TNIK: variants seen among roughly 807,000 people sequenced by gnomAD.
TNIK encodes the protein TRAF2 and NCK-interacting protein kinase.
In TNIK, 49 loss-of-function variants were observed where a neutral mutation model predicts 191.3. That is an observed-to-expected ratio of 0.26 (90% confidence interval 0.20 to 0.32). The LOEUF (loss-of-function observed/expected upper bound fraction) is 0.32. Among genes scored for constraint, TNIK ranks in the 10% least tolerant of loss-of-function variants. The probability of loss-of-function intolerance (pLI) is 1.00; values close to 1 mark genes in which losing one functional copy is unlikely to be tolerated. For missense variants in TNIK, 1,155 were observed against 1,702.3 expected (o/e 0.68, Z 5.66); for synonymous variants, 594 against 600.9 (o/e 0.99, Z 0.17).
At chr3:171,347,018 T>C in intron 2 of TNIK, 1 of 940,408 alleles carries the variant, frequency 1.1e-6, no homozygotes, top group Non-Finnish European at 1.5e-6. Context: ...GGGACAGTCC[T>C]GCAGGCGTTC....
chr3:171,239,276 G>A (rs1744670507), intron 2 of TNIK, among the ~76,000 whole-genome samples: 1 of 152,182 alleles, frequency 6.6e-6, no homozygotes, highest in African/African-American at 2.4e-5. Flanking sequence ...AAATGTAACA[G>A]TCAATGACAA....
chr3:171,140,978 T>C (rs887145123), intron 12 of TNIK, among the ~76,000 whole-genome samples: 1 of 152,242 alleles, frequency 6.6e-6, no homozygotes, highest in Non-Finnish European at 1.5e-5. Context: ...ACAGAATTGA[T>C]GGCAGAGGGT....
rs895646709 is a variant in TNIK at position 171,107,933 on chromosome 3, G to C, written c.2382+132C>G. The C allele has an allele frequency of 3.0e-5, 25 of 824,530 alleles. No homozygotes were observed. The African/African-American group carries it at 4.0e-4, about 13-fold the overall frequency. The allele number at this position is 824,530 out of a possible 1,614,324, so 51.1% of individuals were successfully genotyped here. A position where few individuals can be genotyped will look rare whatever the true frequency, so the allele number is the denominator to read the frequency against. ...CCTAATCAGGTATGACTTTCTTCGGGATGTTTCTAGCATCCGTTCTTACTA... is the reference window on the plus strand; with the variant it reads ...CCTAATCAGGTATGACTTTCTTCGGCATGTTTCTAGCATCCGTTCTTACTA... On this transcript the variant is annotated intron_variant, in intron 20 of 32. Coordinates refer to ENST00000436636, the MANE Select transcript of TNIK (RefSeq NM_015028.4).
At chr3:171,358,649 A>G (rs1384795402) in intron 2 of TNIK, among the ~76,000 whole-genome samples, 1 of 152,208 alleles carries the variant, frequency 6.6e-6, no homozygotes, top group Non-Finnish European at 1.5e-5. Context: ...CCTGAGAAGG[A>G]TCGTTTTATT....
intron 1 of TNIK, among the ~76,000 whole-genome samples, chr3:171,443,699 C>T (rs1338474356): frequency 6.6e-6 from 1 of 152,050 alleles, no homozygotes; most frequent in East Asian, 1.9e-4. Flanking sequence ...TGGTAGCACA[C>T]ACCTGTAGTC....
chr3:171,105,025 A>AATCTCATATTCCATTAGAAAG (rs1280767783), intron 21 of TNIK, among the ~76,000 whole-genome samples: 1 of 152,178 alleles, frequency 6.6e-6, no homozygotes, highest in Non-Finnish European at 1.5e-5. Flanking sequence ...TATGCTGCAA[A>AATCTCATATTCCATTAGAAAG]ATCTCATATT....
rs548907882 is a variant in TNIK, at chr3:171,228,328, T to A, written c.124-107A>T. On this transcript the variant is annotated intron_variant, in intron 2 of 32. Transcript: ENST00000436636. ...TTGGATCAGTGCTGTACTATGTCAA[T>A]GGGGGGAGAGAGAAAGACAGACACA... 19 of 1,118,750 alleles carry A rather than the reference T, an allele frequency of 1.7e-5. No individual in the cohort carries two copies. The East Asian group carries it at 4.1e-4, about 24-fold the overall frequency. 69.3% of individuals were successfully genotyped at this position (1,118,750 alleles called of 1,614,324 possible). A position where few individuals can be genotyped will look rare whatever the true frequency, so the allele number is the denominator to read the frequency against.
intron 2 of TNIK, among the ~76,000 whole-genome samples, chr3:171,362,454 A>T (rs918619201): frequency 3.3e-5 from 5 of 152,314 alleles, no homozygotes; most frequent in African/African-American, 4.8e-5. Context: ...ATGCCATTCT[A>T]AGCATACATA....
At chr3:171,451,575 T>C (rs922660707) in intron 1 of TNIK, among the ~76,000 whole-genome samples, 5 of 152,222 alleles carry the variant, frequency 3.3e-5, no homozygotes, top group Non-Finnish European at 5.9e-5. Flanking sequence ...ACAGGCAGCA[T>C]CTCACCTTAG....
chr3:171,188,974 G>A, intron 6 of TNIK, 142 bp from the exon 7 acceptor site: 1 of 1,041,822 alleles, frequency 9.6e-7, no homozygotes, highest in East Asian at 2.8e-5. Context: ...TACATTTCTG[G>A]GGCACTAAGC....
rs530485951 is a variant in TNIK at position 171,072,848 on chromosome 3, A to G, written c.3449-1525T>C. On this transcript the variant is annotated intron_variant, in intron 28 of 32. Coordinates refer to ENST00000436636, the MANE Select transcript of TNIK (RefSeq NM_015028.4). Reference sequence around the variant, plus strand: ...CACACACCCCACACACACCCCTAGGATAATACATTTAACCAAGAAGGTGAA... The same window carrying G: ...CACACACCCCACACACACCCCTAGGGTAATACATTTAACCAAGAAGGTGAA... Among the ~76,000 whole-genome samples the G allele has an allele frequency of 1.7e-4, 26 of 152,014 alleles. 1 individual carries two copies. The South Asian group carries it at 5.0e-3, about 29-fold the overall frequency.
At chr3:171,119,805 G>A (rs1039950452) in intron 18 of TNIK, among the ~76,000 whole-genome samples, 2 of 152,254 alleles carry the variant, frequency 1.3e-5, no homozygotes, top group South Asian at 2.1e-4. Flanking sequence ...TGTGGGGTTG[G>A]GGGGAGGGAG....
At chr3:171,197,109 T>C (rs1352587119) in intron 4 of TNIK, among the ~76,000 whole-genome samples, 1 of 152,214 alleles carries the variant, frequency 6.6e-6, no homozygotes, top group Non-Finnish European at 1.5e-5. Flanking sequence ...GAAGTTCTTA[T>C]CTTTTAGAGA....
intron 9 of TNIK, among the ~76,000 whole-genome samples, chr3:171,171,597 C>A (rs1474408974): frequency 6.6e-6 from 1 of 152,132 alleles, no homozygotes; most frequent in Non-Finnish European, 1.5e-5. Context: ...GTGGGCTCTT[C>A]AAATTTAAAG....
At chr3:171,229,500 G>T (rs766369511) in intron 2 of TNIK, among the ~76,000 whole-genome samples, 12 of 152,214 alleles carry the variant, frequency 7.9e-5, no homozygotes, top group Non-Finnish European at 1.5e-4. Context: ...TGCTAGTTTA[G>T]TTGGATCAAA....
At chr3:171,068,347 G>C (rs547975119) in intron 30 of TNIK, among the ~76,000 whole-genome samples, 54 of 152,212 alleles carry the variant, frequency 3.5e-4, no homozygotes, top group African/African-American at 1.3e-3. Context: ...GCTGCCTACT[G>C]TGTCCATTAC....
intron 1 of TNIK, among the ~76,000 whole-genome samples, chr3:171,407,759 TC>T (rs1196526991): frequency 6.6e-6 from 1 of 152,246 alleles, no homozygotes; most frequent in East Asian, 1.9e-4. Flanking sequence ...CACGACAGCA[TC>T]TTCCACTATG....
rs116862706 is a variant in TNIK, at chr3:171,089,687, T to C, written c.2722-2181A>G. Among the ~76,000 whole-genome samples the C allele has an allele frequency of 4.0e-3, 614 of 152,352 alleles. 7 individuals carry two copies. The South Asian group carries it at 0.04, about 10-fold the overall frequency. Reference sequence around the variant, plus strand: ...TATTAAACACTTTCTGTGTGCCAAGTACTGTACTGGAAACACAAAGACAGA... The same window carrying C: ...TATTAAACACTTTCTGTGTGCCAAGCACTGTACTGGAAACACAAAGACAGA... On this transcript the variant is annotated intron_variant, in intron 23 of 32. Coordinates refer to ENST00000436636, the MANE Select transcript of TNIK (RefSeq NM_015028.4).
At chr3:171,213,160 G>A (rs1424122935) in intron 3 of TNIK, among the ~76,000 whole-genome samples, 1 of 152,020 alleles carries the variant, frequency 6.6e-6, no homozygotes, top group Non-Finnish European at 1.5e-5. Flanking sequence ...CCCTCAACTT[G>A]TTGAAGGGTC....
Sources: gnomAD v4.1 joint callset for allele counts (sites outside exome capture counted in the v4.1 genomes callset) on GRCh38, gnomAD v4.1.1 for gene constraint, MANE v1.5 for transcripts, NCBI Gene and HGNC (gene_info 2026-07-23, HGNC 2026-07-21) for gene names.